SNX9: variants seen among roughly 807,000 people sequenced by gnomAD.
SNX9 encodes sorting nexin-9.
SNX9 carries 44 observed loss-of-function variants against 89.4 expected under a neutral mutation model. The observed-to-expected ratio is 0.49, with a 90% CI of 0.39 to 0.63. SNX9 has a LOEUF of 0.63. SNX9 is among the 30% of genes least tolerant of loss of function. The pLI is 0.00. For missense variants in SNX9, 578 were observed against 736.1 expected, an observed-to-expected ratio of 0.79 and a Z score of 2.49; for synonymous variants, 236 against 247.8, an observed-to-expected ratio of 0.95 and a Z score of 0.45.
chr6:157,894,443 G>A (rs11968824), intron 4 of SNX9, among the ~76,000 whole-genome samples: 8,103 of 116,454 alleles, frequency 0.07, 644 homozygotes, highest in African/African-American at 0.22. Context: ...CTCAGTTCCA[G>A]ACAGATACAA....
chr6:157,878,097 G>A (rs1157741096), intron 4 of SNX9, among the ~76,000 whole-genome samples: 2 of 152,148 alleles, frequency 1.3e-5, no homozygotes, highest in Admixed American at 6.5e-5. Flanking sequence ...CCTAATTTCA[G>A]GTTGCTTGGG....
At chr6:157,864,278 T>C (rs892847000) in intron 1 of SNX9, among the ~76,000 whole-genome samples, 13 of 152,132 alleles carry the variant, frequency 8.5e-5, no homozygotes, top group African/African-American at 2.7e-4. Context: ...GATCCCCTCT[T>C]GAGGACAAAG....
intron 1 of SNX9, among the ~76,000 whole-genome samples, chr6:157,827,978 A>C (rs1781413348): frequency 6.6e-6 from 1 of 152,076 alleles, no homozygotes; most frequent in Admixed American, 6.5e-5. Flanking sequence ...GTAGGGAATA[A>C]ATGAATTACT....
chr6:157,885,340 C>T (rs987104206), intron 4 of SNX9: 7 of 152,104 alleles, frequency 4.6e-5, no homozygotes, highest in South Asian at 4.1e-4. Context: ...GGTTTTCTAA[C>T]GTCAGTACAG....
chr6:157,932,598 G>T (rs1783834216), intron 13 of SNX9, among the ~76,000 whole-genome samples: 1 of 152,060 alleles, frequency 6.6e-6, no homozygotes, highest in Admixed American at 6.5e-5. Flanking sequence ...GGGCACAGTG[G>T]CTCACACCTA....
At chr6:157,873,379 A>G (rs1446341734) in intron 3 of SNX9, among the ~76,000 whole-genome samples, 1 of 150,626 alleles carries the variant, frequency 6.6e-6, no homozygotes, top group Non-Finnish European at 1.5e-5. Context: ...GCTTCAAAGA[A>G]TGACTACAGA....
chr6:157,942,935 GA>G lies in SNX9; in HGVS notation c.*100del, dbSNP rs1164940962. 4.5e-6 allele frequency: 6 copies of G among 1,323,222 alleles called. No individual in the cohort carries two copies. The African/African-American group carries it at 9.0e-5, about 20-fold the overall frequency. 82.0% of individuals were successfully genotyped at this position (1,323,222 alleles called of 1,614,324 possible). On this transcript the variant is annotated 3_prime_UTR_variant, in exon 18 of 18. Transcript: ENST00000392185. ...TTCCCCTATTATTCAGAAAAAAAAG[GA>G]AACAAAACCAAAAAGAAAGAGTTGC...
At chr6:157,901,810 GTAGT>G in intron 5 of SNX9, 84 bp from the exon 6 acceptor site, 2 of 1,486,816 alleles carry the variant, frequency 1.3e-6, no homozygotes, top group Admixed American at 2.2e-5. Flanking sequence ...TGCCCAGTAG[GTAGT>G]TACTGTCAGA....
chr6:157,914,278 C>T (rs1783411844), intron 9 of SNX9, among the ~76,000 whole-genome samples: 2 of 152,042 alleles, frequency 1.3e-5, no homozygotes, highest in Admixed American at 6.5e-5. Context: ...GCTTATTTCC[C>T]ATCTGTAGAT....
chr6:157,836,662 C>T lies in SNX9; in HGVS notation c.12+13216C>T, dbSNP rs554562366. Among the ~76,000 whole-genome samples the T allele has an allele frequency of 1.1e-4, 17 of 151,946 alleles. No individual in the cohort carries two copies. In the South Asian group the frequency reaches 3.3e-3, roughly 30 times the overall value. On this transcript the variant is annotated intron_variant, in intron 1 of 17. Transcript: ENST00000392185. ...CTGGAGTGCAGTGGCGCGATCTCAG[C>T]TCACTGCAAACTCCGCCTCCCAGGT...
intron 1 of SNX9, among the ~76,000 whole-genome samples, chr6:157,836,352 C>G (rs763841048): frequency 6.6e-6 from 1 of 152,190 alleles, no homozygotes; most frequent in Non-Finnish European, 1.5e-5. Flanking sequence ...CTCCCCTCTT[C>G]TCTGATTCAT....
Position 157,902,062 on chromosome 6 carries a change from G to A in SNX9, c.620+17G>A, listed in dbSNP as rs766301214. ...CCTTAACAAGTAAGTTTAAAGGGGA[G>A]CCAGGGAACCAGGGCCGTGGTAGAA... On this transcript the variant is annotated intron_variant, in intron 6 of 17. Coordinates refer to ENST00000392185, the MANE Select transcript of SNX9 (RefSeq NM_016224.5). 31 of 1,612,024 alleles carry A rather than the reference G, an allele frequency of 1.9e-5. No individual in the cohort carries two copies. Among genetic ancestry groups the A allele is most frequent in the Non-Finnish European group, 2.6e-5 (31 of 1,179,214 alleles).
intron 7 of SNX9, among the ~76,000 whole-genome samples, chr6:157,908,606 G>C (rs1019691712): frequency 6.6e-5 from 10 of 152,142 alleles, no homozygotes; most frequent in Admixed American, 2.6e-4. Flanking sequence ...CTGTACATGA[G>C]CTCCAGCATC....
intron 1 of SNX9, among the ~76,000 whole-genome samples, chr6:157,843,796 C>T (rs17454194): frequency 0.05 from 7,555 of 151,190 alleles, 213 homozygotes; most frequent in East Asian, 0.11. Flanking sequence ...TTTAGAAGAG[C>T]TTAAATAGTT....
In SNX9 at chr6:157,878,958, G is replaced by A. The variant is rs1264214467; in HGVS notation, c.300+3782G>A. Among the ~76,000 whole-genome samples the A allele has an allele frequency of 2.6e-5, 4 of 152,044 alleles. No homozygotes were observed. The East Asian group carries it at 7.7e-4, about 29-fold the overall frequency. On this transcript the variant is annotated intron_variant, in intron 4 of 17. Coordinates refer to ENST00000392185, the MANE Select transcript of SNX9 (RefSeq NM_016224.5). ...AAGGTACTAATAGTTAATATACTTG[G>A]GAAAATGCTCATTTTAAGATTCTTC...
intron 4 of SNX9, among the ~76,000 whole-genome samples, chr6:157,883,692 T>C (rs1782674785): frequency 6.6e-6 from 1 of 152,218 alleles, no homozygotes; most frequent in South Asian, 2.1e-4. Flanking sequence ...CACCTTTTAT[T>C]TGTACCTTTG....
chr6:157,873,072 C>CTTTTTTTTT, intron 2 of SNX9, 30 bp from the exon 3 acceptor site: 4 of 1,323,886 alleles, frequency 3.0e-6, no homozygotes, highest in African/African-American at 1.6e-5. Context: ...TAATCTTTTT[C>CTTTTTTTTT]TTTTTTTTTT....
chr6:157,851,266 A>C (rs1405715499), intron 1 of SNX9, among the ~76,000 whole-genome samples: 3 of 151,182 alleles, frequency 2.0e-5, no homozygotes, highest in Admixed American at 6.6e-5. Flanking sequence ...AAAAAAAAAA[A>C]AAACCCTAAA....
chr6:157,941,091 G>T, intron 17 of SNX9, 117 bp downstream of exon 17: 1 of 883,826 alleles, frequency 1.1e-6, no homozygotes, highest in South Asian at 1.8e-5. Context: ...ATAAACCAAA[G>T]GAGCCTAAAT....
Sources: gnomAD v4.1 joint callset for allele counts (sites outside exome capture counted in the v4.1 genomes callset) on GRCh38, gnomAD v4.1.1 for gene constraint, MANE v1.5 for transcripts, NCBI Gene and HGNC (gene_info 2026-07-23, HGNC 2026-07-21) for gene names.